ENPP2: variants seen among roughly 807,000 people sequenced by gnomAD.
ENPP2 encodes autotaxin.
ENPP2 carries 51 observed loss-of-function variants against 120.2 expected under a neutral mutation model. The ratio of observed to expected loss-of-function variants is 0.42; its 90% CI spans 0.34 to 0.54. The LOEUF is 0.54. ENPP2 is among the 20% of genes least tolerant of loss of function. ENPP2 has a pLI of 0.04. For synonymous variants in ENPP2, 365 were observed against 366.4 expected, an observed-to-expected ratio of 1.00 and a Z score of 0.04; for missense variants, 920 against 1,066.5, an observed-to-expected ratio of 0.86 and a Z score of 1.91.
At chr8:119,587,600 G>A (rs982699421) in intron 13 of ENPP2, among the ~76,000 whole-genome samples, 1 of 152,010 alleles carries the variant, frequency 6.6e-6, no homozygotes, top group East Asian at 1.9e-4. Flanking sequence ...ACAGGTAGCC[G>A]CACCTCTCCA....
intron 1 of ENPP2, among the ~76,000 whole-genome samples, chr8:119,644,527 A>G (rs944759805): frequency 2.0e-5 from 3 of 147,472 alleles, no homozygotes; most frequent in Non-Finnish European, 4.5e-5. Context: ...TTAAATAGTT[A>G]CAATAAGGGA....
upstream of ENPP2, chr8:119,638,982 A>T: frequency 3.3e-6 from 2 of 609,490 alleles, no homozygotes; most frequent in Admixed American, 2.8e-5. Context: ...TTAAGCTATC[A>T]TCCCCCTTAT....
chr8:119,607,840 C>G (rs1462579613), intron 9 of ENPP2, 82 bp downstream of exon 9: 3 of 876,134 alleles, frequency 3.4e-6, no homozygotes, highest in Non-Finnish European at 5.4e-6. Context: ...TTAACTGAAA[C>G]AAAATAAAAC....
intron 2 of ENPP2, among the ~76,000 whole-genome samples, chr8:119,637,632 C>T (rs567821750): frequency 1.4e-4 from 22 of 152,116 alleles, no homozygotes; most frequent in Non-Finnish European, 2.5e-4. Context: ...CCCTAGAGTG[C>T]CCATTACTTA....
At chr8:119,593,247 G>T (rs1032422817) in intron 12 of ENPP2, among the ~76,000 whole-genome samples, 5 of 152,104 alleles carry the variant, frequency 3.3e-5, no homozygotes, top group Non-Finnish European at 5.9e-5. Flanking sequence ...AGGGCCTTCC[G>T]GTTTGGACCT....
chr8:119,643,347 G>A (rs1182231190), upstream of ENPP2, among the ~76,000 whole-genome samples: 1 of 152,162 alleles, frequency 6.6e-6, no homozygotes, highest in Non-Finnish European at 1.5e-5. Flanking sequence ...AAGTCTTACA[G>A]TTACAATTCT....
At chr8:119,604,184 C>G (rs554833344) in intron 9 of ENPP2, among the ~76,000 whole-genome samples, 1 of 151,966 alleles carries the variant, frequency 6.6e-6, no homozygotes, top group Non-Finnish European at 1.5e-5. Flanking sequence ...CCTGCCACCA[C>G]GCCTGGCTAA....
Position 119,593,830 on chromosome 8 carries a change from T to C in ENPP2, c.1003A>G (p.Ile335Val), listed in dbSNP as rs758333818. 2.5e-6 allele frequency: 4 copies of C among 1,612,280 alleles called. No homozygotes were observed. Among genetic ancestry groups the C allele is most frequent in the Middle Eastern group, 1.7e-4 (1 of 6,054 alleles). ...MTNPLREIDK[I>V]VGQLMDGLKQ... ...AGTCCATCCATTAATTGCCCCACAA[T>C]TTTGTCGATTTCCCTCAGAGGATTT... is the stretch of plus-strand genomic sequence containing the variant. The change falls in exon 12 of 25, where the codon ATT (isoleucine) becomes GTT (valine). Residue 335 changes from isoleucine (I) to valine (V), a missense_variant. By Grantham distance (29) the Ile-to-Val change is conservative (BLOSUM62 3). Transcript: ENST00000075322.
intron 11 of ENPP2, among the ~76,000 whole-genome samples, chr8:119,597,822 C>T (rs1396960299): frequency 1.3e-5 from 2 of 152,216 alleles, no homozygotes; most frequent in Admixed American, 1.3e-4. Flanking sequence ...TTGGTCATCT[C>T]ATTTAATAGC....
intron 12 of ENPP2, among the ~76,000 whole-genome samples, chr8:119,592,244 A>T (rs895691738): frequency 1.3e-5 from 2 of 152,126 alleles, no homozygotes; most frequent in Admixed American, 6.5e-5. Context: ...AGGCCAAGGC[A>T]GGCAGATCAC....
chr8:119,570,673 T>C (rs901044834), intron 20 of ENPP2, 32 bp downstream of exon 20: 3 of 1,280,412 alleles, frequency 2.3e-6, no homozygotes, highest in Non-Finnish European at 3.2e-6. Flanking sequence ...TGTAATAAAA[T>C]AAAAAATATA....
chr8:119,612,985 G>C (rs1815217281), intron 8 of ENPP2, among the ~76,000 whole-genome samples: 1 of 152,216 alleles, frequency 6.6e-6, no homozygotes, highest in Non-Finnish European at 1.5e-5. Context: ...CTTGGATCAT[G>C]ATGGGGTATT....
chr8:119,558,427 G>GC (rs1813645503), intron 24 of ENPP2, among the ~76,000 whole-genome samples: 1 of 152,106 alleles, frequency 6.6e-6, no homozygotes, highest in African/African-American at 2.4e-5. Flanking sequence ...GAGGGAAGAA[G>GC]CGGGGGGAAA....
intron 19 of ENPP2, among the ~76,000 whole-genome samples, chr8:119,579,417 C>A (rs1812573951): frequency 6.6e-6 from 1 of 152,200 alleles, no homozygotes; most frequent in Non-Finnish European, 1.5e-5. Flanking sequence ...TCTTTTCCCT[C>A]TGTCAAGAGC....
intron 1 of ENPP2, among the ~76,000 whole-genome samples, chr8:119,668,433 T>C (rs1291721905): frequency 3.5e-5 from 5 of 143,440 alleles, no homozygotes; most frequent in South Asian, 4.5e-4. Context: ...CTTTTTCTTT[T>C]TTTTTTTTTT....
At chr8:119,632,835 CA>C (rs2130811852) in intron 2 of ENPP2, among the ~76,000 whole-genome samples, 1 of 152,284 alleles carries the variant, frequency 6.6e-6, no homozygotes, top group Non-Finnish European at 1.5e-5. Context: ...TTTGGGAGGC[CA>C]AGGTGGGCCG....
chr8:119,671,942 G>C (rs563642015), intron 1 of ENPP2, among the ~76,000 whole-genome samples: 1 of 152,168 alleles, frequency 6.6e-6, no homozygotes, highest in Non-Finnish European at 1.5e-5. Context: ...ATCCAGGACA[G>C]AGTCAAAAAG....
upstream of ENPP2, among the ~76,000 whole-genome samples, chr8:119,640,059 T>C (rs183805632): frequency 8.7e-4 from 132 of 152,256 alleles, no homozygotes; most frequent in Non-Finnish European, 1.6e-3. Context: ...AAATAAAACA[T>C]GATAGCACAA....
At chr8:119,614,994 A>G (rs1028572742) in intron 8 of ENPP2, among the ~76,000 whole-genome samples, 4 of 152,190 alleles carry the variant, frequency 2.6e-5, no homozygotes, top group African/African-American at 7.2e-5. Flanking sequence ...TAAAAAGCTC[A>G]TATTTATCCT....
Sources: gnomAD v4.1 joint callset for allele counts (sites outside exome capture counted in the v4.1 genomes callset) on GRCh38, gnomAD v4.1.1 for gene constraint, MANE v1.5 for transcripts, NCBI Gene and HGNC (gene_info 2026-07-23, HGNC 2026-07-21) for gene names.